STK32B: variants seen among roughly 807,000 people sequenced by gnomAD.
STK32B encodes serine/threonine-protein kinase 32B.
A neutral mutation model predicts 52.6 loss-of-function variants in STK32B; 43 were observed. That is an observed-to-expected ratio of 0.82 (90% confidence interval 0.64 to 1.05). The LOEUF is 1.05. Ranked by LOEUF, STK32B falls within the 50% of genes least tolerant of loss-of-function variation. STK32B has a pLI of 0.00. For synonymous variants in STK32B, 238 were observed against 204.3 expected, an observed-to-expected ratio of 1.17 and a Z score of -1.41; for missense variants, 621 against 534.6, an observed-to-expected ratio of 1.16 and a Z score of -1.59.
chr4:5,268,179 C>T (rs540299696), intron 3 of STK32B, among the ~76,000 whole-genome samples: 11 of 151,986 alleles, frequency 7.2e-5, no homozygotes, highest in Admixed American at 7.2e-4. Context: ...TTTGATATTT[C>T]TTTGTGTGTT....
chr4:5,051,905 G>A lies in STK32B; in HGVS notation c.42G>A (p.Glu14=), dbSNP rs746835074. 8 of 1,598,226 alleles carry A rather than the reference G, an allele frequency of 5.0e-6. No individual in the cohort carries two copies. Among genetic ancestry groups the A allele is most frequent in the Non-Finnish European group, 6.8e-6 (8 of 1,172,732 alleles). The change falls in exon 1 of 12, where the codon GAG becomes GAA. Residue 14 remains glutamate (E), a synonymous_variant. Transcript: ENST00000282908. The part of the protein sequence containing the change: ...NHSHKPPVFD[E]NEEVNFDHFQ... ...CCCACAAGCCCCCCGTGTTTGACGA[G>A]AATGAGGAAGGTAAGAGAGCGAGAG...
intron 4 of STK32B, among the ~76,000 whole-genome samples, chr4:5,377,589 A>G (rs551620873): frequency 2.6e-5 from 4 of 152,240 alleles, no homozygotes; most frequent in African/African-American, 7.2e-5. Flanking sequence ...CCCGACCCCA[A>G]TCTCATCTCA....
intron 3 of STK32B, among the ~76,000 whole-genome samples, chr4:5,202,886 G>A (rs1280520331): frequency 6.6e-6 from 1 of 152,222 alleles, no homozygotes; most frequent in African/African-American, 2.4e-5. Flanking sequence ...CATAAACATG[G>A]TGGGTGTCAA....
chr4:5,454,864 C>A (rs1012641902), intron 7 of STK32B, among the ~76,000 whole-genome samples: 3 of 152,046 alleles, frequency 2.0e-5, no homozygotes, highest in African/African-American at 7.2e-5. Context: ...CTCACACACG[C>A]AATGATGGGC....
intron 3 of STK32B, among the ~76,000 whole-genome samples, chr4:5,239,895 T>C (rs373512173): frequency 6.6e-6 from 1 of 152,144 alleles, no homozygotes; most frequent in African/African-American, 2.4e-5. Flanking sequence ...ATGTACACTC[T>C]GCACCTTATC....
intron 3 of STK32B, among the ~76,000 whole-genome samples, chr4:5,259,478 G>C (rs1406362008): frequency 1.3e-5 from 2 of 152,128 alleles, no homozygotes; most frequent in Non-Finnish European, 2.9e-5. Flanking sequence ...ATGGATTTCC[G>C]TTAAGTTACT....
At chr4:5,475,781 C>T (rs1465911326) in intron 11 of STK32B, among the ~76,000 whole-genome samples, 2 of 151,320 alleles carry the variant, frequency 1.3e-5, no homozygotes, top group East Asian at 3.9e-4. Context: ...ATAGAAAATA[C>T]TATCATTTTT....
At chr4:5,296,895 C>G (rs1189443451) in intron 3 of STK32B, among the ~76,000 whole-genome samples, 2 of 151,982 alleles carry the variant, frequency 1.3e-5, no homozygotes, top group South Asian at 4.1e-4. Flanking sequence ...TTTGCAATTC[C>G]TGGTTTGCAG....
At chr4:5,276,333 C>T (rs1333012095) in intron 3 of STK32B, among the ~76,000 whole-genome samples, 2 of 152,178 alleles carry the variant, frequency 1.3e-5, no homozygotes, top group East Asian at 3.9e-4. Flanking sequence ...ATCACGTTTT[C>T]ATGTCTTTTA....
rs3774812 is a variant in STK32B at position 5,468,566 on chromosome 4, G to A, written c.1106+496G>A. Among the ~76,000 whole-genome samples, 903 of 152,270 alleles carry A rather than the reference G, an allele frequency of 5.9e-3. 34 individuals are homozygous for A. In the East Asian group the frequency reaches 0.087, roughly 15 times the overall value. On this transcript the variant is annotated intron_variant, in intron 11 of 11. Coordinates refer to ENST00000282908, the MANE Select transcript of STK32B (RefSeq NM_018401.3). Reference sequence around the variant, plus strand: ...CTGGTATGGAAGGGGTTCTCAACACGGCAAGGTAATGACGATTGTTACTAA... The same window carrying A: ...CTGGTATGGAAGGGGTTCTCAACACAGCAAGGTAATGACGATTGTTACTAA...
chr4:5,456,948 C>A, intron 8 of STK32B, 25 bp downstream of exon 8: 1 of 1,491,088 alleles, frequency 6.7e-7, no homozygotes, highest in Non-Finnish European at 9.0e-7. Context: ...TCCAGCCTGC[C>A]CCGCCAGGGA....
intron 3 of STK32B, among the ~76,000 whole-genome samples, chr4:5,317,320 A>AT (rs1553871770): frequency 2.3e-5 from 1 of 43,496 alleles, no homozygotes; most frequent in African/African-American, 1.9e-4. Context: ...ACATATGTAT[A>AT]ATATATATTA....
intron 9 of STK32B, among the ~76,000 whole-genome samples, chr4:5,463,707 C>T (rs571652638): frequency 1.1e-4 from 16 of 152,164 alleles, no homozygotes; most frequent in Non-Finnish European, 2.2e-4. Context: ...CAGTGAGCCT[C>T]AGCCCCACCC....
At chr4:5,476,723 G>A (rs530890065) in intron 11 of STK32B, among the ~76,000 whole-genome samples, 12 of 151,954 alleles carry the variant, frequency 7.9e-5, no homozygotes, top group African/African-American at 2.9e-4. Context: ...TTTTGCAGAA[G>A]TATTAAGTTT....
intron 3 of STK32B, among the ~76,000 whole-genome samples, chr4:5,239,093 G>T (rs543665972): frequency 1.3e-5 from 2 of 152,302 alleles, no homozygotes; most frequent in African/African-American, 4.8e-5. Flanking sequence ...TGCAGGAGCA[G>T]TGCATGGGAA....
rs147412290 is a variant in STK32B, at chr4:5,284,412, T to C, written c.261-46808T>C. ...TAGAAGGGATAGAATACAATGATAATAGAAGGCATAGAATAATAGAAGGAG... is the reference window on the plus strand; with the variant it reads ...TAGAAGGGATAGAATACAATGATAACAGAAGGCATAGAATAATAGAAGGAG... On this transcript the variant is annotated intron_variant, in intron 3 of 11. Transcript: ENST00000282908. Among the ~76,000 whole-genome samples the C allele has an allele frequency of 1.2e-3, 183 of 152,206 alleles. 1 individual carries two copies. The highest frequency in any genetic ancestry group is 0.012 in the South Asian group (57 of 4,826).
chr4:5,466,677 A>G (rs1288237749), intron 9 of STK32B, 26 bp from the exon 10 acceptor site: 2 of 1,599,936 alleles, frequency 1.3e-6, no homozygotes, highest in African/African-American at 1.3e-5. Context: ...CAGACAGACC[A>G]TGTTTTCTTT....
intron 3 of STK32B, among the ~76,000 whole-genome samples, chr4:5,282,282 C>T (rs1407294459): frequency 6.6e-6 from 1 of 152,108 alleles, no homozygotes; most frequent in Non-Finnish European, 1.5e-5. Flanking sequence ...GATTCCAGGA[C>T]TCTTCACAGA....
At chr4:5,335,298 G>T (rs1732580072) in intron 4 of STK32B, among the ~76,000 whole-genome samples, 1 of 152,110 alleles carries the variant, frequency 6.6e-6, no homozygotes, top group Non-Finnish European at 1.5e-5. Context: ...ATGGTAGTTT[G>T]TATTTCTGTG....
Sources: gnomAD v4.1 joint callset for allele counts (sites outside exome capture counted in the v4.1 genomes callset) on GRCh38, gnomAD v4.1.1 for gene constraint, MANE v1.5 for transcripts, NCBI Gene and HGNC (gene_info 2026-07-23, HGNC 2026-07-21) for gene names.